SYT1: variants seen among roughly 807,000 people sequenced by gnomAD.
SYT1 encodes synaptotagmin 1.
SYT1 carries 8 observed loss-of-function variants against 44.8 expected under a neutral mutation model. That is an observed-to-expected ratio of 0.18 (90% confidence interval 0.10 to 0.32). SYT1 has a LOEUF of 0.32. Among genes scored for constraint, SYT1 ranks in the 10% least tolerant of loss-of-function variants. The pLI is 1.00. For missense variants in SYT1, 286 were observed against 509.3 expected (o/e 0.56, Z 4.22); for synonymous variants, 154 against 188.8 (o/e 0.82, Z 1.51).
intron 8 of SYT1, among the ~76,000 whole-genome samples, chr12:79,316,917 G>A (rs1881115704): frequency 6.6e-6 from 1 of 152,178 alleles, no homozygotes; most frequent in Admixed American, 6.5e-5. Context: ...AGAACTCGGA[G>A]TCCAAGTCAC....
At chr12:79,135,260 C>G (rs1171536617) in intron 3 of SYT1, among the ~76,000 whole-genome samples, 6 of 149,266 alleles carry the variant, frequency 4.0e-5, no homozygotes, top group Non-Finnish European at 7.4e-5. Context: ...CCCCTCCCCC[C>G]ATCCCACAAC....
At chr12:78,930,935 A>G (rs1486156996) in intron 1 of SYT1, among the ~76,000 whole-genome samples, 3 of 151,760 alleles carry the variant, frequency 2.0e-5, no homozygotes, top group African/African-American at 7.3e-5. Flanking sequence ...CCTAAGACTG[A>G]ATAAATGGTA....
At chr12:79,251,166 G>T (rs1428839330) in intron 4 of SYT1, among the ~76,000 whole-genome samples, 1 of 152,090 alleles carries the variant, frequency 6.6e-6, no homozygotes, top group African/African-American at 2.4e-5. Context: ...TAATCATTTT[G>T]CCCTGGAGGA....
rs146244087 is a variant in SYT1 at position 78,939,513 on chromosome 12, A to G, written c.-216-38286A>G. ...TGGAATCAGAGCTCTCAGCAGTTTC[A>G]TGCTTTGTGGATAATTAAAATCAAT... is the stretch of plus-strand genomic sequence containing the variant. On this transcript the variant is annotated intron_variant, in intron 1 of 10. Transcript: ENST00000261205. Among the ~76,000 whole-genome samples, 844 of 152,306 alleles carry G rather than the reference A, an allele frequency of 5.5e-3. 34 individuals are homozygous for G. Among genetic ancestry groups the G allele is most frequent in the East Asian group, 4.2e-3 (22 of 5,178 alleles).
chr12:79,331,623 TC>T (rs1339428772), intron 8 of SYT1, among the ~76,000 whole-genome samples: 1 of 152,190 alleles, frequency 6.6e-6, no homozygotes, highest in African/African-American at 2.4e-5. Flanking sequence ...GCATTTTTTA[TC>T]CCTTTGCAGA....
intron 4 of SYT1, among the ~76,000 whole-genome samples, chr12:79,250,422 A>G (rs577085125): frequency 6.6e-6 from 1 of 152,322 alleles, no homozygotes; most frequent in Admixed American, 6.5e-5. Context: ...AATCACCCTC[A>G]GATATGTCAA....
intron 2 of SYT1, among the ~76,000 whole-genome samples, chr12:78,992,837 A>G (rs575074357): frequency 1.3e-5 from 2 of 152,136 alleles, no homozygotes; most frequent in Non-Finnish European, 2.9e-5. Context: ...AATAAGTAAA[A>G]ACTCACACAT....
chr12:79,270,957 C>A (rs1024712796), intron 4 of SYT1, among the ~76,000 whole-genome samples: 3 of 152,204 alleles, frequency 2.0e-5, no homozygotes, highest in Non-Finnish European at 4.4e-5. Context: ...ATAGAGCCTG[C>A]CTCCCCTTAG....
intron 1 of SYT1, among the ~76,000 whole-genome samples, chr12:78,971,935 C>T (rs1868411790): frequency 6.6e-6 from 1 of 152,056 alleles, no homozygotes; most frequent in East Asian, 1.9e-4. Context: ...AATGCATAAA[C>T]ATGTATAATT....
intron 3 of SYT1, among the ~76,000 whole-genome samples, chr12:79,059,250 G>A (rs890430057): frequency 6.6e-6 from 1 of 152,056 alleles, no homozygotes; most frequent in Non-Finnish European, 1.5e-5. Flanking sequence ...CAACAGGTGG[G>A]AATTATGGGA....
At chr12:78,875,325 A>C (rs1377020711) in intron 1 of SYT1, among the ~76,000 whole-genome samples, 1 of 151,644 alleles carries the variant, frequency 6.6e-6, no homozygotes, top group Non-Finnish European at 1.5e-5. Flanking sequence ...TGCATGTAGG[A>C]GCTTACATTC....
intron 1 of SYT1, among the ~76,000 whole-genome samples, chr12:78,914,098 A>G (rs1876502937): frequency 1.6e-5 from 1 of 62,200 alleles, no homozygotes; most frequent in Non-Finnish European, 3.2e-5. Flanking sequence ...AGATGATATT[A>G]ATGTTCAATT....
At chr12:79,254,559 C>A (rs1877407746) in intron 4 of SYT1, among the ~76,000 whole-genome samples, 1 of 152,194 alleles carries the variant, frequency 6.6e-6, no homozygotes. Context: ...GTAATTTTAA[C>A]TTTCAAGCCT....
chr12:79,050,592 C>T (rs1486185845), intron 3 of SYT1, among the ~76,000 whole-genome samples: 1 of 151,904 alleles, frequency 6.6e-6, no homozygotes, highest in Non-Finnish European at 1.5e-5. Flanking sequence ...TCATATTATC[C>T]TAGATTTCCT....
intron 4 of SYT1, among the ~76,000 whole-genome samples, chr12:79,228,694 A>T (rs570599136): frequency 1.3e-5 from 2 of 152,116 alleles, no homozygotes; most frequent in African/African-American, 4.8e-5. Flanking sequence ...AAAAAATCTC[A>T]CTATTATTCT....
intron 4 of SYT1, among the ~76,000 whole-genome samples, chr12:79,226,183 A>T (rs1045948729): frequency 7.2e-5 from 11 of 152,092 alleles, no homozygotes; most frequent in African/African-American, 9.7e-5. Context: ...ATACATTTTA[A>T]ATTTCCAACA....
At chr12:79,214,459 A>G (rs534481748) in intron 3 of SYT1, among the ~76,000 whole-genome samples, 2 of 152,294 alleles carry the variant, frequency 1.3e-5, no homozygotes, top group African/African-American at 2.4e-5. Flanking sequence ...CTAAATGTTG[A>G]CCCTGTTTAG....
chr12:79,111,272 A>G (rs2138091190), intron 3 of SYT1, among the ~76,000 whole-genome samples: 1 of 152,174 alleles, frequency 6.6e-6, no homozygotes, highest in East Asian at 1.9e-4. Flanking sequence ...TTTTAATACT[A>G]TGCACACACC....
chr12:79,355,815 T>C (rs781483043), intron 9 of SYT1, among the ~76,000 whole-genome samples: 3 of 152,134 alleles, frequency 2.0e-5, no homozygotes, highest in Non-Finnish European at 4.4e-5. Flanking sequence ...TAAACATATA[T>C]TGTGTCCCTA....
Sources: allele counts gnomAD v4.1 joint callset (sites outside exome capture counted in the v4.1 genomes callset), GRCh38; gene constraint gnomAD v4.1.1; transcripts MANE v1.5; gene names NCBI Gene and HGNC (gene_info 2026-07-23, HGNC 2026-07-21).